The following HPS5 variants were observed in gnomAD, a reference collection of about 807,000 sequenced individuals.
The protein encoded by HPS5 is HPS5 biogenesis of lysosomal organelles complex 2 subunit 2.
In HPS5, 83 loss-of-function variants were observed where a neutral mutation model predicts 128.0. The observed-to-expected ratio is 0.65, with a 90% CI of 0.54 to 0.78. HPS5 has a LOEUF of 0.78. HPS5 is among the 30% of genes least tolerant of loss of function. The pLI is 0.00. For missense variants in HPS5, 1,281 were observed against 1,326.2 expected, an observed-to-expected ratio of 0.97 and a Z score of 0.53; for synonymous variants, 475 against 470.2, an observed-to-expected ratio of 1.01 and a Z score of -0.13.
chr11:18,298,577 T>C (rs1005449438), intron 10 of HPS5, among the ~76,000 whole-genome samples: 1 of 152,340 alleles, frequency 6.6e-6, no homozygotes, highest in South Asian at 2.1e-4. Context: ...CAAATTTGTA[T>C]GTAAATTTGA....
chr11:18,283,760 T>C, intron 21 of HPS5, 35 bp downstream of exon 21: 1 of 1,499,912 alleles, frequency 6.7e-7, no homozygotes, highest in Non-Finnish European at 9.3e-7. Flanking sequence ...TTCTAAAAAT[T>C]GACAACCAAG....
chr11:18,281,470 G>A (rs1390986476), intron 22 of HPS5, among the ~76,000 whole-genome samples: 1 of 151,634 alleles, frequency 6.6e-6, no homozygotes, highest in Non-Finnish European at 1.5e-5. Flanking sequence ...CATGTTCTTG[G>A]CTCACTGCAA....
At position 18,298,960 on chromosome 11, in the gene HPS5, A is replaced by G; in HGVS notation, c.996T>C (p.Asp332=). ...ACAATTCATTCCTACAGACAGCCAC[A>G]TCCTGAATATCTACGAAAACCACAG... The part of the protein sequence containing the change: ...LLWSEVKDIQ[D]VAVCRNELFC... Residue 332 remains aspartate (D), a synonymous_variant, in exon 10 of 23, where the codon GAT becomes GAC. Coordinates refer to ENST00000349215, the MANE Select transcript of HPS5 (RefSeq NM_181507.2). 1 of 1,614,204 alleles carries G rather than the reference A, an allele frequency of 6.2e-7. No individual in the cohort carries two copies. Among genetic ancestry groups the G allele is most frequent in the Non-Finnish European group, 8.5e-7 (1 of 1,180,014 alleles).
Position 18,288,145 on chromosome 11 carries a change from T to C in HPS5, c.2441-132A>G, listed in dbSNP as rs1369844053. ...ACCTATTATGTGCAAGGCCCAATATTAAGCATTACAAGAGAAACAAATAAA... is the reference window on the plus strand; with the variant it reads ...ACCTATTATGTGCAAGGCCCAATATCAAGCATTACAAGAGAAACAAATAAA... On this transcript the variant is annotated intron_variant, in intron 16 of 22. Transcript: ENST00000349215. The C allele has an allele frequency of 4.5e-6, 4 of 881,500 alleles. No homozygotes were observed. In the East Asian group the frequency reaches 1.0e-4, roughly 22 times the overall value. 54.6% of individuals were successfully genotyped at this position (881,500 alleles called of 1,614,324 possible).
At chr11:18,315,640 G>A (rs1227847939) in intron 2 of HPS5, among the ~76,000 whole-genome samples, 2 of 151,368 alleles carry the variant, frequency 1.3e-5, no homozygotes, top group African/African-American at 2.4e-5. Context: ...AAGAAAGAAA[G>A]AAAGAAAAAG....
At chr11:18,309,364 G>T (rs537323070) in intron 5 of HPS5, among the ~76,000 whole-genome samples, 1 of 152,334 alleles carries the variant, frequency 6.6e-6, no homozygotes, top group East Asian at 1.9e-4. Flanking sequence ...GAACATGTTA[G>T]TCAGGCATGG....
chr11:18,282,145 G>A lies in HPS5; in HGVS notation c.3134C>T (p.Pro1045Leu). 1.2e-6 allele frequency: 2 copies of A among 1,614,140 alleles called. No individual in the cohort carries two copies. Among genetic ancestry groups the A allele is most frequent in the Non-Finnish European group, 1.7e-6 (2 of 1,180,026 alleles). The change falls in exon 22 of 23, where the codon CCC (proline) becomes CTC (leucine). Residue 1045 changes from proline to leucine, a missense_variant. Pro to Leu is a moderately conservative substitution (Grantham distance 98). Coordinates refer to ENST00000349215, the MANE Select transcript of HPS5 (RefSeq NM_181507.2). ...LIQSKSTRPA[P>L]QESLNGSLSD... ...GAGGCTCCCATTTAGTGACTCCTGG[G>A]GGGCTGGCCTCGTGCTCTTGCTCTG...
At chr11:18,285,557 C>G in intron 19 of HPS5, 98 bp from the exon 20 acceptor site, 1 of 795,002 alleles carries the variant, frequency 1.3e-6, no homozygotes, top group Non-Finnish European at 2.1e-6. Context: ...TAACTGCATT[C>G]TATTACTACA....
At chr11:18,310,497 G>C (rs1161482741) in intron 5 of HPS5, among the ~76,000 whole-genome samples, 1 of 152,158 alleles carries the variant, frequency 6.6e-6, no homozygotes, top group Non-Finnish European at 1.5e-5. Flanking sequence ...GAATCAGGAA[G>C]GACTGCAATA....
intron 12 of HPS5, chr11:18,296,585 A>G (rs1266462730): frequency 1.5e-6 from 1 of 652,300 alleles, no homozygotes; most frequent in East Asian, 2.6e-5. Flanking sequence ...AACAGGCCCT[A>G]ATGTTAGTCC....
At chr11:18,280,614 T>C (rs1858769674) in intron 22 of HPS5, 1 of 695,374 alleles carries the variant, frequency 1.4e-6, no homozygotes, top group Non-Finnish European at 2.6e-6. Flanking sequence ...TTATTCACAA[T>C]AGCCAGAAAG....
Position 18,279,956 on chromosome 11 carries a change from G to A in HPS5, c.3330-14C>T. 6.2e-7 allele frequency: 1 copy of A among 1,613,542 alleles called. No homozygotes were observed. The highest frequency in any genetic ancestry group is 8.5e-7 in the Non-Finnish European group (1 of 1,179,528). On this transcript the variant is annotated splice_polypyrimidine_tract_variant and intron_variant, in intron 22 of 22. Transcript: ENST00000349215. ...TGTATCAAGGCCCTGAAATCCCAAA[G>A]AAAAGAAACAAGCAAATTTAGTTGT... is the stretch of plus-strand genomic sequence containing the variant.
Position 18,291,812 on chromosome 11 carries a change from T to G in HPS5, c.2070A>C (p.Lys690Asn). 1 of 1,613,266 alleles carries G rather than the reference T, an allele frequency of 6.2e-7. No individual in the cohort carries two copies. Residue 690 changes from lysine to asparagine, a missense_variant, in exon 16 of 23, where the codon AAA becomes AAC. Lys to Asn is a moderately conservative substitution (Grantham distance 94). Coordinates refer to ENST00000349215, the MANE Select transcript of HPS5 (RefSeq NM_181507.2). ...CATTGCCTAAAGAGTCCCTTTTTTC[T>G]TTTTCATTATCTTCATCTAATATTC... The part of the protein sequence containing the change: ...KKGILDEDNE[K>N]EKRDSLGNEE...
chr11:18,283,840 T>C lies in HPS5; in HGVS notation c.3013A>G (p.Asn1005Asp), dbSNP rs376985261. 61 of 1,613,204 alleles carry C rather than the reference T, an allele frequency of 3.8e-5. No homozygotes were observed. The African/African-American group carries it at 7.9e-4, about 21-fold the overall frequency. Residue 1005 changes from asparagine to aspartate, a missense_variant, in exon 21 of 23, where the codon AAT (asparagine) becomes GAT (aspartate). Transcript: ENST00000349215. ...ELERRREAFT[N>D]IVYLNDMSLM... Reference sequence around the variant, plus strand: ...CTCATATCATTCAGATACACAATATTGGTGAAGGCCTCTCTTCTTCTCTCC... The same window carrying C: ...CTCATATCATTCAGATACACAATATCGGTGAAGGCCTCTCTTCTTCTCTCC...
intron 22 of HPS5, among the ~76,000 whole-genome samples, chr11:18,281,476 T>C (rs1858947469): frequency 6.6e-6 from 1 of 151,850 alleles, no homozygotes; most frequent in Admixed American, 6.6e-5. Context: ...CTTGGCTCAC[T>C]GCAACCTCCA....
chr11:18,280,645 G>C, intron 22 of HPS5: 1 of 682,486 alleles, frequency 1.5e-6, no homozygotes. Flanking sequence ...TCAAGTGTCT[G>C]TCAACAGATG....
chr11:18,284,123 T>A (rs2134221093), intron 20 of HPS5, among the ~76,000 whole-genome samples: 1 of 151,004 alleles, frequency 6.6e-6, no homozygotes, highest in East Asian at 1.9e-4. Context: ...CAGTAGAATA[T>A]CTCCACTATC....
At chr11:18,295,978 T>C in intron 13 of HPS5, 21 bp downstream of exon 13, 3 of 1,608,980 alleles carry the variant, frequency 1.9e-6, no homozygotes, top group Non-Finnish European at 2.6e-6. Context: ...TGGAATTAAA[T>C]GACAAGACTA....
At chr11:18,316,993 G>C (rs1379526253) in intron 2 of HPS5, among the ~76,000 whole-genome samples, 3 of 152,204 alleles carry the variant, frequency 2.0e-5, no homozygotes, top group Non-Finnish European at 4.4e-5. Flanking sequence ...AGGAGATCGA[G>C]ACCATCCTGG....
Sources: allele counts gnomAD v4.1 joint callset (sites outside exome capture counted in the v4.1 genomes callset), GRCh38; gene constraint gnomAD v4.1.1; transcripts MANE v1.5; gene names NCBI Gene and HGNC (gene_info 2026-07-23, HGNC 2026-07-21).